Variants in GNB5 observed in about 807,000 individuals in gnomAD.
GNB5 encodes G protein subunit beta 5, also known as guanine nucleotide-binding protein subunit beta-5.
A neutral mutation model predicts 55.3 loss-of-function variants in GNB5; 37 were observed. The observed-to-expected ratio is 0.67, with a 90% confidence interval of 0.51 to 0.88. GNB5 has a LOEUF of 0.88. Ranked by LOEUF, GNB5 falls within the 40% of genes least tolerant of loss-of-function variation. The pLI is 0.00. For missense variants in GNB5, 476 were observed against 515.3 expected, an observed-to-expected ratio of 0.92 and a Z score of 0.74; for synonymous variants, 219 against 198.5, an observed-to-expected ratio of 1.10 and a Z score of -0.87.
At chr15:52,152,445 T>C (rs2034118054) in intron 4 of GNB5, among the ~76,000 whole-genome samples, 1 of 151,766 alleles carries the variant, frequency 6.6e-6, no homozygotes, top group African/African-American at 2.4e-5. Context: ...TGCCTCAGCC[T>C]TCCGAGTAGC....
intron 1 of GNB5, among the ~76,000 whole-genome samples, chr15:52,188,845 C>T (rs1203465834): frequency 6.6e-6 from 1 of 152,198 alleles, no homozygotes; most frequent in Non-Finnish European, 1.5e-5. Flanking sequence ...TTGAATCCCC[C>T]ATCACATGCC....
rs970904232 is a variant in GNB5 at position 52,122,343 on chromosome 15, G to A, written c.*414C>T. Reference sequence around the variant, plus strand: ...CATAAAATCAGCACTTCCAGAGGAAGGTTCCAGGCATCACAGTGCACATCG... The same window carrying A: ...CATAAAATCAGCACTTCCAGAGGAAAGTTCCAGGCATCACAGTGCACATCG... On this transcript the variant is annotated 3_prime_UTR_variant, in exon 13 of 13. Coordinates refer to ENST00000261837, the MANE Select transcript of GNB5 (RefSeq NM_016194.4). The A allele has an allele frequency of 6.2e-6, 1 of 162,178 alleles. No homozygotes were observed. The highest frequency in any genetic ancestry group is 2.4e-5 in the African/African-American group (1 of 41,810). The allele number at this position is 162,178 out of a possible 1,614,324, so 10.0% of individuals were successfully genotyped here. A position where few individuals can be genotyped will look rare whatever the true frequency, so the allele number is the denominator to read the frequency against.
chr15:52,126,068 G>A (rs372397807), intron 10 of GNB5, 24 bp from the exon 11 acceptor site: 7 of 1,176,652 alleles, frequency 5.9e-6, no homozygotes, highest in Non-Finnish European at 8.8e-6. Flanking sequence ...AAATAAAGAA[G>A]CACTTACTTC....
intron 9 of GNB5, 182 bp from the exon 10 acceptor site, chr15:52,128,426 G>A: frequency 3.2e-6 from 2 of 621,908 alleles, no homozygotes; most frequent in South Asian, 3.9e-5. Flanking sequence ...TTCCCTGTTA[G>A]TGGGGGACAG....
At chr15:52,146,698 G>A (rs2033983420) in intron 6 of GNB5, among the ~76,000 whole-genome samples, 1 of 151,004 alleles carries the variant, frequency 6.6e-6, no homozygotes, top group Admixed American at 6.6e-5. Flanking sequence ...CAGAATAGCT[G>A]GGTCTACAGT....
In GNB5 at chr15:52,154,047, G is replaced by A; in HGVS notation, c.268C>T (p.Leu90=). ...CTGGTCTTCATGACAAACTGCCCCAGGGCCTCCACCCGCTCCGCCACCTGG... is the reference window on the plus strand; with the variant it reads ...CTGGTCTTCATGACAAACTGCCCCAAGGCCTCCACCCGCTCCGCCACCTGG... ...LHQVAERVEA[L]GQFVMKTRRT... The change falls in exon 4 of 13, where the codon CTG becomes TTG. Residue 90 remains leucine, a synonymous_variant. Transcript: ENST00000261837. 6.2e-7 allele frequency: 1 copy of A among 1,614,112 alleles called. No homozygotes were observed. The highest frequency in any genetic ancestry group is 8.5e-7 in the Non-Finnish European group (1 of 1,179,982).
intron 3 of GNB5, among the ~76,000 whole-genome samples, chr15:52,165,739 CA>C (rs34798808): frequency 1.3e-5 from 2 of 150,718 alleles, no homozygotes; most frequent in Admixed American, 1.3e-4. Flanking sequence ...CAGCTACTAC[CA>C]AAAAAAAACT....
intron 1 of GNB5, among the ~76,000 whole-genome samples, chr15:52,188,942 A>G (rs1274731309): frequency 6.6e-6 from 1 of 152,206 alleles, no homozygotes; most frequent in Non-Finnish European, 1.5e-5. Flanking sequence ...TAGTCATGCA[A>G]ATAGGGCTAC....
intron 6 of GNB5, among the ~76,000 whole-genome samples, chr15:52,142,029 G>A (rs372925910): frequency 1.3e-5 from 2 of 152,116 alleles, no homozygotes; most frequent in Non-Finnish European, 2.9e-5. Flanking sequence ...ATAGAATGTC[G>A]CATATGGTGG....
At chr15:52,129,435 G>C (rs1382446619) in intron 9 of GNB5, among the ~76,000 whole-genome samples, 1 of 152,192 alleles carries the variant, frequency 6.6e-6, no homozygotes, top group East Asian at 1.9e-4. Context: ...GAAAGACGGG[G>C]ATGGAGAATT....
chr15:52,177,650 C>CA (rs112539098), intron 3 of GNB5, among the ~76,000 whole-genome samples: 4,208 of 91,820 alleles, frequency 0.046, 108 homozygotes, highest in East Asian at 0.097. Flanking sequence ...GACTCCGTGT[C>CA]AAAAAAAAAA....
At chr15:52,163,838 G>A (rs1306069881) in intron 3 of GNB5, among the ~76,000 whole-genome samples, 1 of 152,214 alleles carries the variant, frequency 6.6e-6, no homozygotes, top group Non-Finnish European at 1.5e-5. Context: ...GCTGGCATCA[G>A]GTTGGTGCCC....
intron 1 of GNB5, among the ~76,000 whole-genome samples, chr15:52,188,685 T>C (rs915315748): frequency 2.6e-5 from 4 of 152,358 alleles, no homozygotes; most frequent in Middle Eastern, 3.4e-3. Flanking sequence ...CAGTAGTTCA[T>C]AGAACTTCTC....
intron 3 of GNB5, among the ~76,000 whole-genome samples, chr15:52,162,574 A>G (rs1173527016): frequency 6.6e-6 from 1 of 152,228 alleles, no homozygotes; most frequent in African/African-American, 2.4e-5. Flanking sequence ...ACTATTTAAA[A>G]AATGATCTGG....
chr15:52,136,514 C>G (rs1044825608), intron 7 of GNB5, among the ~76,000 whole-genome samples: 1 of 152,190 alleles, frequency 6.6e-6, no homozygotes, highest in African/African-American at 2.4e-5. Context: ...ACACTTCTCA[C>G]AGGCTCCCAG....
At position 52,141,291 on chromosome 15, in the gene GNB5, A is replaced by T; in HGVS notation, c.495-19T>A. On this transcript the variant is annotated intron_variant, in intron 6 of 12. Coordinates refer to ENST00000261837, the MANE Select transcript of GNB5 (RefSeq NM_016194.4). ...CAAACCACTAGGATGGAAAGAAAGAAGTACCAAAGATTAATGCAGAGTCAC... is the reference window on the plus strand; with the variant it reads ...CAAACCACTAGGATGGAAAGAAAGATGTACCAAAGATTAATGCAGAGTCAC... The T allele has an allele frequency of 6.2e-7, 1 of 1,611,022 alleles. No individual in the cohort carries two copies. Among genetic ancestry groups the T allele is most frequent in the South Asian group, 1.1e-5 (1 of 90,998 alleles).
chr15:52,129,974 G>A (rs2033532225), intron 9 of GNB5, among the ~76,000 whole-genome samples: 1 of 152,224 alleles, frequency 6.6e-6, no homozygotes, highest in Non-Finnish European at 1.5e-5. Context: ...TCTTCCTGTA[G>A]CCAGATGTGG....
intron 1 of GNB5, among the ~76,000 whole-genome samples, chr15:52,189,618 G>C (rs2034891679): frequency 6.6e-6 from 1 of 152,062 alleles, no homozygotes; most frequent in African/African-American, 2.4e-5. Context: ...ACATAAAAAT[G>C]TACATACTAA....
intron 6 of GNB5, chr15:52,144,356 T>C (rs890941594): frequency 3.9e-5 from 6 of 152,266 alleles, no homozygotes; most frequent in African/African-American, 1.4e-4. Context: ...ATCTAATATT[T>C]CAATATTGGA....
Sources: allele counts gnomAD v4.1 joint callset (sites outside exome capture counted in the v4.1 genomes callset), GRCh38; gene constraint gnomAD v4.1.1; transcripts MANE v1.5; gene names NCBI Gene and HGNC (gene_info 2026-07-23, HGNC 2026-07-21).